MEGF11: variants seen among roughly 807,000 people sequenced by gnomAD.
MEGF11 encodes multiple epidermal growth factor-like domains protein 11.
A neutral mutation model predicts 146.6 loss-of-function variants in MEGF11; 126 were observed. The observed-to-expected ratio is 0.86, with a 90% CI of 0.74 to 1.00. The LOEUF is 1.00. Among genes scored for constraint, MEGF11 ranks in the 50% least tolerant of loss-of-function variants. MEGF11 has a pLI of 0.00. For missense variants in MEGF11, 1,509 were observed against 1,521.2 expected, an observed-to-expected ratio of 0.99 and a Z score of 0.13; for synonymous variants, 532 against 583.4, an observed-to-expected ratio of 0.91 and a Z score of 1.27.
chr15:66,125,885 G>C (rs983838708), intron 2 of MEGF11, among the ~76,000 whole-genome samples: 2 of 152,138 alleles, frequency 1.3e-5, no homozygotes, highest in Non-Finnish European at 2.9e-5. Context: ...GAGAAGCCCA[G>C]CAGAGGGCTG....
chr15:65,956,202 GA>G (rs1218458339), intron 10 of MEGF11, among the ~76,000 whole-genome samples: 1 of 152,156 alleles, frequency 6.6e-6, no homozygotes, highest in Non-Finnish European at 1.5e-5. Context: ...AGCCCAAGTT[GA>G]GACCCATGGC....
intron 5 of MEGF11, among the ~76,000 whole-genome samples, chr15:65,986,792 C>CTTTTTTTTTTTTTTTTTTT (rs1491353062): frequency 7.5e-6 from 1 of 134,008 alleles, no homozygotes; most frequent in African/African-American, 2.7e-5. Flanking sequence ...GCTGATTTTT[C>CTTTTTTTTTTTTTTTTTTT]CTTTTTTTTT....
At chr15:65,970,963 C>G in intron 7 of MEGF11, 1 of 475,508 alleles carries the variant, frequency 2.1e-6, no homozygotes, top group Non-Finnish European at 3.8e-6. Flanking sequence ...TGATTCCTGT[C>G]CTCCTAGTCT....
intron 4 of MEGF11, among the ~76,000 whole-genome samples, chr15:66,108,847 G>A (rs774774616): frequency 3.9e-5 from 6 of 152,214 alleles, no homozygotes; most frequent in Non-Finnish European, 5.9e-5. Context: ...AGAAACTGGC[G>A]CTTAGACTGG....
At chr15:66,121,896 A>G (rs560727361) in intron 3 of MEGF11, among the ~76,000 whole-genome samples, 16 of 152,360 alleles carry the variant, frequency 1.1e-4, no homozygotes, top group African/African-American at 3.8e-4. Context: ...TATTCTCTGG[A>G]GGAACATAAT....
intron 1 of MEGF11, among the ~76,000 whole-genome samples, chr15:66,196,528 G>A (rs893240440): frequency 2.0e-5 from 3 of 152,148 alleles, no homozygotes; most frequent in Non-Finnish European, 2.9e-5. Flanking sequence ...TAAGTGTGAC[G>A]AGAGCTACTG....
chr15:66,252,464 A>G (rs890607568), intron 1 of MEGF11, among the ~76,000 whole-genome samples: 1 of 152,136 alleles, frequency 6.6e-6, no homozygotes, highest in Non-Finnish European at 1.5e-5. Context: ...TTTCCGGAGA[A>G]CATGACCACT....
intron 1 of MEGF11, among the ~76,000 whole-genome samples, chr15:66,149,155 C>T (rs141178613): frequency 2.6e-5 from 4 of 152,348 alleles, no homozygotes; most frequent in East Asian, 3.9e-4. Flanking sequence ...TGCACAACCA[C>T]GGCCACAGGC....
At chr15:65,972,806 T>C (rs1315092251) in intron 7 of MEGF11, among the ~76,000 whole-genome samples, 2 of 152,138 alleles carry the variant, frequency 1.3e-5, no homozygotes, top group Non-Finnish European at 1.5e-5. Context: ...AAAGCTATTG[T>C]AGGATTTGTT....
Position 65,922,348 on chromosome 15 carries a change from G to A in MEGF11, c.1947C>T (p.Leu649=). 2 of 1,607,080 alleles carry A rather than the reference G, an allele frequency of 1.2e-6. No individual in the cohort carries two copies. The highest frequency in any genetic ancestry group is 1.7e-6 in the Non-Finnish European group (2 of 1,176,968). The change falls in exon 15 of 26, where the codon CTC becomes CTT. Residue 649 remains leucine, a synonymous_variant. Transcript: ENST00000395614. ...CECLPGFSGA[L]CNQVCAGGYF... is the part of the protein sequence containing the mutation. ...CACTGGAGACAGTACCTTGGTTGCA[G>A]AGAGCTCCAGAGAATCCTGGGAGGC... is the stretch of plus-strand genomic sequence containing the variant.
chr15:66,195,429 C>T (rs562383367), intron 1 of MEGF11, among the ~76,000 whole-genome samples: 4 of 152,252 alleles, frequency 2.6e-5, no homozygotes, highest in Non-Finnish European at 4.4e-5. Flanking sequence ...GAAGTCACAT[C>T]GGGGTTGTGT....
chr15:66,232,640 T>G (rs73477551), intron 1 of MEGF11, among the ~76,000 whole-genome samples: 51 of 152,274 alleles, frequency 3.3e-4, no homozygotes, highest in African/African-American at 1.2e-3. Flanking sequence ...ATTTTCTGCT[T>G]CATCATACCA....
intron 1 of MEGF11, among the ~76,000 whole-genome samples, chr15:66,194,077 A>G (rs749668412): frequency 4.6e-5 from 7 of 152,212 alleles, no homozygotes; most frequent in African/African-American, 7.2e-5. Flanking sequence ...ACAATTCGCA[A>G]TTGCAAAAAT....
chr15:66,186,912 A>G (rs2090722979), intron 1 of MEGF11, among the ~76,000 whole-genome samples: 1 of 152,198 alleles, frequency 6.6e-6, no homozygotes, highest in South Asian at 2.1e-4. Context: ...TAGAGGCAGC[A>G]CTGGCTTTGA....
At chr15:66,205,062 T>C (rs951612778) in intron 1 of MEGF11, among the ~76,000 whole-genome samples, 1 of 146,920 alleles carries the variant, frequency 6.8e-6, no homozygotes, top group Non-Finnish European at 1.5e-5. Context: ...AATAGGAGCA[T>C]ACACAAAAAA....
chr15:65,984,723 T>G (rs1470713894), intron 5 of MEGF11, among the ~76,000 whole-genome samples: 1 of 152,120 alleles, frequency 6.6e-6, no homozygotes, highest in Non-Finnish European at 1.5e-5. Context: ...ATTGTCCATA[T>G]GTTGTGACTA....
intron 5 of MEGF11, among the ~76,000 whole-genome samples, chr15:66,088,598 T>G (rs539183479): frequency 1.3e-5 from 2 of 151,566 alleles, no homozygotes; most frequent in Non-Finnish European, 2.9e-5. Flanking sequence ...GAGGGTGCAG[T>G]GAACCGAGAT....
rs187109140 is a variant in MEGF11 at position 66,039,966 on chromosome 15, C to T, written c.394+54436G>A. Among the ~76,000 whole-genome samples the T allele has an allele frequency of 4.3e-3, 522 of 120,254 alleles. 7 individuals carry two copies. Among genetic ancestry groups the T allele is most frequent in the South Asian group, 6.7e-3 (21 of 3,148 alleles). The allele number at this position is 120,254 out of a possible 152,430, so 78.9% of individuals were successfully genotyped here. On this transcript the variant is annotated intron_variant, in intron 5 of 25. Transcript: ENST00000395614. ...GGTGACGGTCCTGAGCCGGGTCAGG[C>T]GGCGGTGGGGTGACGGTCCTGAGCC...
intron 1 of MEGF11, among the ~76,000 whole-genome samples, chr15:66,143,375 T>C (rs2089243881): frequency 6.6e-6 from 1 of 152,138 alleles, no homozygotes; most frequent in Admixed American, 6.5e-5. Context: ...GGGGATGAGA[T>C]TCCCTTTGGA....
Sources: allele counts gnomAD v4.1 joint callset (sites outside exome capture counted in the v4.1 genomes callset), GRCh38; gene constraint gnomAD v4.1.1; transcripts MANE v1.5; gene names NCBI Gene and HGNC (gene_info 2026-07-23, HGNC 2026-07-21).